Variants in ANK1 observed in about 807,000 individuals in gnomAD.
ANK1 encodes ankyrin 1, also known as ankyrin-1.
In ANK1, 51 loss-of-function variants were observed where a neutral mutation model predicts 210.4. The observed-to-expected ratio is 0.24, with a 90% CI of 0.19 to 0.31. The LOEUF is 0.31. ANK1 is among the 10% of genes least tolerant of loss of function. ANK1 has a pLI of 1.00. For synonymous variants in ANK1, 967 were observed against 1,025.9 expected (o/e 0.94, Z 1.10); for missense variants, 2,051 against 2,504.4 (o/e 0.82, Z 3.86).
rs1803945724 is a variant in ANK1, at chr8:41,820,007, CCTT to C, written c.127-61873_127-61871del. ...ACTGATCCCGCCCTGGGAGTCTCCTCCTTATGACACATGACACAAAAGACACAG... is the reference window on the plus strand; with the variant it reads ...ACTGATCCCGCCCTGGGAGTCTCCTCATGACACATGACACAAAAGACACAG... On this transcript the variant is annotated intron_variant, in intron 1 of 42. Coordinates refer to the ANK1 transcript ENST00000265709. 2.0e-5 allele frequency among the ~76,000 whole-genome samples: 3 copies of C among 152,190 alleles called. No individual in the cohort carries two copies. In the South Asian group the frequency reaches 6.2e-4, roughly 32 times the overall value.
intron 1 of ANK1, among the ~76,000 whole-genome samples, chr8:41,792,828 G>A (rs1354141861): frequency 6.6e-6 from 1 of 152,228 alleles, no homozygotes; most frequent in Non-Finnish European, 1.5e-5. Flanking sequence ...AGGTTTGTGA[G>A]CAAACTGCTA....
chr8:41,764,274 C>A (rs549052867), intron 1 of ANK1, among the ~76,000 whole-genome samples: 2 of 152,248 alleles, frequency 1.3e-5, no homozygotes, highest in South Asian at 4.1e-4. Flanking sequence ...ATATGAGACT[C>A]ATCTTTACCA....
chr8:41,812,090 GAT>G (rs1249418415), intron 1 of ANK1, among the ~76,000 whole-genome samples: 1 of 152,204 alleles, frequency 6.6e-6, no homozygotes, highest in African/African-American at 2.4e-5. Flanking sequence ...CCTTGGGGCT[GAT>G]ATTAATTCAT....
At chr8:41,700,576 AC>A in intron 22 of ANK1, 1 of 1,018,974 alleles carries the variant, frequency 9.8e-7, no homozygotes, top group East Asian at 2.4e-5. Flanking sequence ...AAGTTATACA[AC>A]CATGAAATTA....
chr8:41,693,930 G>T lies in ANK1; in HGVS notation c.3500C>A (p.Thr1167Asn). 6.2e-7 allele frequency: 1 copy of T among 1,612,848 alleles called. No homozygotes were observed. Among genetic ancestry groups the T allele is most frequent in the African/African-American group, 1.3e-5 (1 of 75,038 alleles). The stretch of plus-strand genomic sequence containing the variant: ...GCTGCAAAGCAGGCGCAGGCTGGTG[G>T]TGTCTCCCTCCCCGCTGTCCCTCGG... ...DNPRDSGEGD[T>N]TSLRLLCSVI... Residue 1167 changes from threonine to asparagine, a missense_variant, in exon 29 of 43, where the codon ACC (threonine) becomes AAC (asparagine). Thr to Asn is a moderately conservative substitution (Grantham distance 65). Transcript: ENST00000289734.
At chr8:41,702,224 A>C in intron 20 of ANK1, 80 bp from the exon 21 acceptor site, 1 of 1,206,816 alleles carries the variant, frequency 8.3e-7, no homozygotes, top group Non-Finnish European at 1.2e-6. Context: ...ACACAGATCG[A>C]GTTCACCTTC....
At chr8:41,687,816 T>A (rs1818119336) in intron 35 of ANK1, among the ~76,000 whole-genome samples, 1 of 152,230 alleles carries the variant, frequency 6.6e-6, no homozygotes, top group Admixed American at 6.5e-5. Flanking sequence ...TCTACCCTGA[T>A]GGTTGGCAGG....
At chr8:41,707,664 G>A (rs933576191) in intron 17 of ANK1, among the ~76,000 whole-genome samples, 1 of 152,164 alleles carries the variant, frequency 6.6e-6, no homozygotes, top group Non-Finnish European at 1.5e-5. Context: ...GTCACCTTAC[G>A]GTCTCCTTGC....
intron 1 of ANK1, among the ~76,000 whole-genome samples, chr8:41,777,941 C>CA (rs1264057292): frequency 6.6e-6 from 1 of 152,042 alleles, no homozygotes; most frequent in East Asian, 1.9e-4. Flanking sequence ...AATAAGATAC[C>CA]AAGATGCCAA....
chr8:41,835,359 G>A (rs1281193611), intron 1 of ANK1, among the ~76,000 whole-genome samples: 3 of 152,224 alleles, frequency 2.0e-5, no homozygotes, highest in East Asian at 3.8e-4. Flanking sequence ...GGCTGATGCA[G>A]GAGAATCGCT....
intron 1 of ANK1, among the ~76,000 whole-genome samples, chr8:41,768,276 T>G (rs550771814): frequency 4.6e-5 from 7 of 152,218 alleles, no homozygotes. Flanking sequence ...CCTGGCAATA[T>G]GGCTTGTTCA....
chr8:41,667,270 T>C (rs762389851), intron 39 of ANK1, among the ~76,000 whole-genome samples: 5 of 152,100 alleles, frequency 3.3e-5, no homozygotes, highest in Non-Finnish European at 7.4e-5. Context: ...AGAGCCACCC[T>C]AGTCCTGGAG....
At position 41,696,850 on chromosome 8, in the gene ANK1, G is replaced by A. The variant is rs1821169646; in HGVS notation, c.2638-77C>T. ...ATGCCGTGCCAGGGCGTGGAGGCTT[G>A]GAAGAACCTTGCCGCTAGAAACCAG... On this transcript the variant is annotated intron_variant, in intron 24 of 42. Coordinates refer to ENST00000289734, the MANE Select transcript of ANK1 (RefSeq NM_000037.4). The A allele has an allele frequency of 8.0e-6, 11 of 1,380,228 alleles. No homozygotes were observed. The South Asian group carries it at 8.5e-5, about 11-fold the overall frequency. 85.5% of individuals were successfully genotyped at this position (1,380,228 alleles called of 1,614,324 possible).
chr8:41,670,252 T>C (rs1307807301), intron 38 of ANK1, among the ~76,000 whole-genome samples: 1 of 152,102 alleles, frequency 6.6e-6, no homozygotes, highest in Non-Finnish European at 1.5e-5. Context: ...ACCCAGGCAC[T>C]CTTTATTGGT....
intron 20 of ANK1, 97 bp downstream of exon 20, chr8:41,703,944 C>G: frequency 1.7e-6 from 2 of 1,195,722 alleles, no homozygotes; most frequent in Middle Eastern, 1.9e-4. Flanking sequence ...CGTCCAGGCC[C>G]TAGACACGTG....
At position 41,699,541 on chromosome 8, in the gene ANK1, T is replaced by C. The variant is rs1822093894; in HGVS notation, c.2469A>G (p.Glu823=). The change falls in exon 23 of 43, where the codon GAA becomes GAG. Residue 823 remains glutamate, a synonymous_variant. Coordinates refer to ENST00000289734, the MANE Select transcript of ANK1 (RefSeq NM_000037.4). ...ILDVSEDEGE[E]LISFKAERRD... Reference sequence around the variant, plus strand: ...GCCTCTCAGCCTTGAAGCTGATGAGTTCTTCCCCTGAAACAGCAAGAGCTC... The same window carrying C: ...GCCTCTCAGCCTTGAAGCTGATGAGCTCTTCCCCTGAAACAGCAAGAGCTC... 1 of 1,613,890 alleles carries C rather than the reference T, an allele frequency of 6.2e-7. No individual in the cohort carries two copies. The highest frequency in any genetic ancestry group is 8.5e-7 in the Non-Finnish European group (1 of 1,179,984).
chr8:41,713,421 C>T (rs57661868), intron 16 of ANK1, among the ~76,000 whole-genome samples: 11,900 of 152,264 alleles, frequency 0.078, 1,504 homozygotes, highest in African/African-American at 0.27. Context: ...TACCCAACCC[C>T]GTGGGGTCTT....
intron 1 of ANK1, among the ~76,000 whole-genome samples, chr8:41,852,482 C>T (rs1230927428): frequency 2.0e-5 from 3 of 152,180 alleles, no homozygotes; most frequent in African/African-American, 7.2e-5. Flanking sequence ...ACAGAGTGCA[C>T]ACACATGGGG....
intron 1 of ANK1, among the ~76,000 whole-genome samples, chr8:41,793,239 G>T (rs540933954): frequency 2.6e-5 from 4 of 152,122 alleles, no homozygotes; most frequent in Admixed American, 1.3e-4. Context: ...TTAGCTGAAC[G>T]TGGAGGTGCA....
Sources: allele counts gnomAD v4.1 joint callset (sites outside exome capture counted in the v4.1 genomes callset), GRCh38; gene constraint gnomAD v4.1.1; transcripts MANE v1.5; gene names NCBI Gene and HGNC (gene_info 2026-07-23, HGNC 2026-07-21).